STX17: variants seen among roughly 807,000 people sequenced by gnomAD.
The protein encoded by STX17 is syntaxin-17.
STX17 carries 29 observed loss-of-function variants against 35.9 expected under a neutral mutation model. That is an observed-to-expected ratio of 0.81 (90% CI 0.60 to 1.10). The LOEUF is 1.10. STX17 is among the 50% of genes least tolerant of loss of function. The probability of loss-of-function intolerance (pLI) is 0.00; values close to 1 mark genes in which losing one functional copy is unlikely to be tolerated. For missense variants in STX17, 312 were observed against 352.3 expected (o/e 0.89, Z 0.92); for synonymous variants, 92 against 118.3 (o/e 0.78, Z 1.44).
Position 99,967,648 on chromosome 9 carries a change from T to A in STX17, c.583-5T>A. The A allele has an allele frequency of 6.2e-7, 1 of 1,613,588 alleles. No individual in the cohort carries two copies. Among genetic ancestry groups the A allele is most frequent in the Non-Finnish European group, 8.5e-7 (1 of 1,179,692 alleles). The stretch of plus-strand genomic sequence containing the variant: ...ACCGCTCACTCATAATTCCTTTGCA[T>A]CTAGTCTCAGCAGGAGAAGATTGAC... On this transcript the variant is annotated splice_region_variant and splice_polypyrimidine_tract_variant and intron_variant, in intron 6 of 7. Transcript: ENST00000259400.
chr9:99,928,687 G>A (rs1829039740), intron 2 of STX17, 91 bp from the exon 3 acceptor site: 2 of 1,059,648 alleles, frequency 1.9e-6, no homozygotes, highest in Non-Finnish European at 2.9e-6. Context: ...GTATGTTTAA[G>A]TTTGGGTGGG....
intron 3 of STX17, among the ~76,000 whole-genome samples, chr9:99,940,720 G>T (rs1433862985): frequency 1.3e-5 from 2 of 152,022 alleles, no homozygotes. Context: ...ACCTCAGGCA[G>T]TCCGCCTGAC....
chr9:99,969,613 G>C lies in STX17; in HGVS notation c.*940G>C, dbSNP rs1829984886. 6.6e-6 allele frequency: 1 copy of C among 152,410 alleles called. No individual in the cohort carries two copies. The highest frequency in any genetic ancestry group is 2.4e-5 in the African/African-American group (1 of 41,392). 9.4% of individuals were successfully genotyped at this position (152,410 alleles called of 1,614,324 possible). Reference sequence around the variant, plus strand: ...GAGTTTGGGCTAAAATGAGCAAGGAGAAAAAAACCACCAAGAACATTTCCT... The same window carrying C: ...GAGTTTGGGCTAAAATGAGCAAGGACAAAAAAACCACCAAGAACATTTCCT... On this transcript the variant is annotated 3_prime_UTR_variant, in exon 8 of 8. Transcript: ENST00000259400.
intron 1 of STX17, among the ~76,000 whole-genome samples, chr9:99,908,814 C>G (rs1000604828): frequency 6.6e-6 from 1 of 152,120 alleles, no homozygotes; most frequent in Non-Finnish European, 1.5e-5. Context: ...GCTTCCAGGG[C>G]CCCACAGAAG....
intron 6 of STX17, among the ~76,000 whole-genome samples, chr9:99,961,050 T>C: frequency 6.6e-6 from 1 of 152,124 alleles, no homozygotes. Context: ...CTGTTCCAGA[T>C]TGACAAGTAC....
intron 3 of STX17, among the ~76,000 whole-genome samples, chr9:99,949,458 T>C (rs1274330428): frequency 6.6e-6 from 1 of 152,038 alleles, no homozygotes; most frequent in African/African-American, 2.4e-5. Flanking sequence ...GACATTATTA[T>C]TATAGTTTAG....
chr9:99,929,810 C>A (rs1286612997), intron 3 of STX17: 2 of 151,234 alleles, frequency 1.3e-5, no homozygotes, highest in East Asian at 1.9e-4. Flanking sequence ...ATAATTACCT[C>A]ATTTTTTAGT....
intron 7 of STX17, 121 bp from the exon 8 acceptor site, chr9:99,968,313 A>G (rs1235863553): frequency 2.4e-6 from 3 of 1,269,406 alleles, no homozygotes; most frequent in Non-Finnish European, 2.1e-6. Context: ...ACAGTCTCTA[A>G]GGTTAATTAT....
chr9:99,909,795 A>C (rs1460907104), intron 1 of STX17, among the ~76,000 whole-genome samples: 3 of 152,232 alleles, frequency 2.0e-5, no homozygotes, highest in Non-Finnish European at 4.4e-5. Context: ...TTTGCAACAC[A>C]AAGAATAAAT....
chr9:99,911,124 C>T (rs1414040687), intron 1 of STX17, among the ~76,000 whole-genome samples: 1 of 152,026 alleles, frequency 6.6e-6, no homozygotes, highest in Non-Finnish European at 1.5e-5. Flanking sequence ...CAACCTCCGC[C>T]TCCTGGGTTC....
chr9:99,962,560 T>C (rs1484622716), intron 6 of STX17, among the ~76,000 whole-genome samples: 3 of 152,204 alleles, frequency 2.0e-5, no homozygotes, highest in Admixed American at 2.0e-4. Context: ...ACAAAGTTCT[T>C]ACTCAGTACA....
At chr9:99,967,613 C>T (rs764279953) in intron 6 of STX17, 40 bp from the exon 7 acceptor site, 1 of 1,572,600 alleles carries the variant, frequency 6.4e-7, no homozygotes, top group Admixed American at 1.7e-5. Context: ...CCCTGCTGCT[C>T]CCCAGCAGGA....
At position 99,974,509 on chromosome 9, in the gene STX17, T is replaced by C. The variant is rs1393365566; in HGVS notation, c.*5836T>C. Among the ~76,000 whole-genome samples the C allele has an allele frequency of 6.6e-6, 1 of 152,198 alleles. No individual in the cohort carries two copies. Among genetic ancestry groups the C allele is most frequent in the Non-Finnish European group, 1.5e-5 (1 of 68,036 alleles). On this transcript the variant is annotated 3_prime_UTR_variant, in exon 8 of 8. Coordinates refer to ENST00000259400, the MANE Select transcript of STX17 (RefSeq NM_017919.3). ...TGAGTGGTGCTTGAATAAGGAAACA[T>C]GCAATAAATTTACTTATTTAACCAA...
intron 1 of STX17, among the ~76,000 whole-genome samples, chr9:99,910,719 A>C (rs1429040070): frequency 6.6e-6 from 1 of 152,208 alleles, no homozygotes; most frequent in Non-Finnish European, 1.5e-5. Context: ...TGAAATATGC[A>C]ATAAATTATT....
At chr9:99,907,173 G>A (rs1268049113) in intron 1 of STX17, 2 of 152,386 alleles carry the variant, frequency 1.3e-5, no homozygotes, top group Non-Finnish European at 2.9e-5. Context: ...GGGAGCGAGA[G>A]GCCGGAAGCC....
rs1346326876 is a variant in STX17, at chr9:99,972,796, C to T, written c.*4123C>T. 1.3e-5 allele frequency among the ~76,000 whole-genome samples: 2 copies of T among 152,136 alleles called. No individual in the cohort carries two copies. Among genetic ancestry groups the T allele is most frequent in the East Asian group, 1.9e-4 (1 of 5,202 alleles). On this transcript the variant is annotated 3_prime_UTR_variant, in exon 8 of 8. Transcript: ENST00000259400. ...GTTTCTCAGGGTCCCCTTTGTCCTT[C>T]GTTGCTGCCATATGAAATCTTACAA...
At position 99,913,447 on chromosome 9, in the gene STX17, C is replaced by T. The variant is rs570720285; in HGVS notation, c.-62-1731C>T. On this transcript the variant is annotated intron_variant, in intron 1 of 7. Coordinates refer to ENST00000259400, the MANE Select transcript of STX17 (RefSeq NM_017919.3). The stretch of plus-strand genomic sequence containing the variant: ...TATCTATATAATTTACTGTTTAACA[C>T]ATCTTTTGAGATTTTCATTTCTAGA... Among the ~76,000 whole-genome samples, 6 of 152,122 alleles carry T rather than the reference C, an allele frequency of 3.9e-5. No homozygotes were observed. The South Asian group carries it at 1.2e-3, about 32-fold the overall frequency.
At chr9:99,967,077 A>G (rs532633050) in intron 6 of STX17, among the ~76,000 whole-genome samples, 15 of 152,374 alleles carry the variant, frequency 9.8e-5, no homozygotes, top group African/African-American at 3.1e-4. Flanking sequence ...ACAGGTGTAA[A>G]GCACAGAACA....
intron 2 of STX17, among the ~76,000 whole-genome samples, chr9:99,926,789 C>A (rs867791486): frequency 6.6e-6 from 1 of 152,188 alleles, no homozygotes; most frequent in South Asian, 2.1e-4. Flanking sequence ...TGAGCCACTG[C>A]GCCCAGCCTT....
Sources: gnomAD v4.1 joint callset for allele counts (sites outside exome capture counted in the v4.1 genomes callset) on GRCh38, gnomAD v4.1.1 for gene constraint, MANE v1.5 for transcripts, NCBI Gene and HGNC (gene_info 2026-07-23, HGNC 2026-07-21) for gene names.